Variants in SLC24A2 observed in about 807,000 individuals in gnomAD.
SLC24A2 encodes the protein solute carrier family 24 member 2.
Under a neutral mutation model 62.0 loss-of-function variants are expected in SLC24A2, and 36 were observed. The observed-to-expected ratio is 0.58, with a 90% confidence interval of 0.44 to 0.77. SLC24A2 has a LOEUF of 0.77. Among genes scored for constraint, SLC24A2 ranks in the 30% least tolerant of loss-of-function variants. SLC24A2 has a pLI of 0.00. For missense variants in SLC24A2, 846 were observed against 817.9 expected, an observed-to-expected ratio of 1.03 and a Z score of -0.42; for synonymous variants, 358 against 294.0, an observed-to-expected ratio of 1.22 and a Z score of -2.23.
At chr9:19,734,095 T>A (rs1821423428) in intron 2 of SLC24A2, among the ~76,000 whole-genome samples, 1 of 152,302 alleles carries the variant, frequency 6.6e-6, no homozygotes, top group East Asian at 1.9e-4. Flanking sequence ...GTAGTTAGAA[T>A]TAAAATATGT....
chr9:20,234,508 G>T, the SLC24A2 span, among the ~76,000 whole-genome samples: 1 of 152,208 alleles, frequency 6.6e-6, no homozygotes, highest in South Asian at 2.1e-4. Flanking sequence ...CTTTCTTCCA[G>T]TTGATCGCAT....
chr9:20,100,289 A>G, the SLC24A2 span, among the ~76,000 whole-genome samples: 152,323 of 152,336 alleles, frequency 1, 76,155 homozygotes, highest in Non-Finnish European at 1. Flanking sequence ...TTGGACTTCC[A>G]GGCTCAAGCC....
chr9:19,972,000 G>A, the SLC24A2 span, among the ~76,000 whole-genome samples: 35 of 152,166 alleles, frequency 2.3e-4, no homozygotes, highest in African/African-American at 8.5e-4. Flanking sequence ...AGTAGAGCTA[G>A]ATGGCCACAA....
At chr9:19,617,288 T>G (rs889626139) in intron 4 of SLC24A2, among the ~76,000 whole-genome samples, 1 of 152,188 alleles carries the variant, frequency 6.6e-6, no homozygotes, top group Admixed American at 6.5e-5. Flanking sequence ...CAGGCGGTAA[T>G]GCCTGCTGTC....
the SLC24A2 span, among the ~76,000 whole-genome samples, chr9:20,177,945 C>T: frequency 1.3e-5 from 2 of 152,054 alleles, no homozygotes; most frequent in African/African-American, 2.4e-5. Flanking sequence ...GATTTGAACC[C>T]CTATCTATCT....
In SLC24A2 at chr9:19,786,119, T is replaced by C. The variant is rs1371196624; in HGVS notation, c.748A>G (p.Ile250Val). Reference protein sequence around the residue: ...RDVSFYIVDLIMLIIFFLDNV... With the variant: ...RDVSFYIVDLVMLIIFFLDNV... ...TCCAGGAAAAATATGATCAGCATGA[T>C]CAAGTCAACAATGTAGAAAGACACA... The change falls in exon 2 of 11, where the codon ATC becomes GTC. Residue 250 changes from isoleucine (I) to valine (V), a missense_variant. Coordinates refer to ENST00000341998, the MANE Select transcript of SLC24A2 (RefSeq NM_020344.4). The surrounding 1 kb of genome is among the most constrained non-coding windows in gnomAD (Gnocchi z 5.0). 6.2e-7 allele frequency: 1 copy of C among 1,614,176 alleles called. No individual in the cohort carries two copies. The highest frequency in any genetic ancestry group is 2.2e-5 in the East Asian group (1 of 44,886).
chr9:20,000,457 T>C, the SLC24A2 span, among the ~76,000 whole-genome samples: 1 of 152,178 alleles, frequency 6.6e-6, no homozygotes, highest in African/African-American at 2.4e-5. Context: ...CAGTTCTTGA[T>C]AAACATTGTA....
At chr9:19,629,174 G>A (rs1457009984) in intron 2 of SLC24A2, among the ~76,000 whole-genome samples, 1 of 152,166 alleles carries the variant, frequency 6.6e-6, no homozygotes, top group Non-Finnish European at 1.5e-5. Flanking sequence ...GCCAGCAAGT[G>A]GCAGAGCTCA....
At chr9:20,104,481 T>C in the SLC24A2 span, among the ~76,000 whole-genome samples, 1 of 152,222 alleles carries the variant, frequency 6.6e-6, no homozygotes, top group African/African-American at 2.4e-5. Context: ...GGGAAGCCCA[T>C]CAGACTAACA....
chr9:19,516,466 A>G, intron 10 of SLC24A2, 64 bp from the exon 11 acceptor site: 1 of 1,575,158 alleles, frequency 6.3e-7, no homozygotes, highest in South Asian at 1.1e-5. Flanking sequence ...GACACGTTGA[A>G]GAAGGCAAAT....
At chr9:20,102,088 C>A in the SLC24A2 span, among the ~76,000 whole-genome samples, 3 of 152,274 alleles carry the variant, frequency 2.0e-5, 1 homozygote, top group Admixed American at 2.0e-4. Flanking sequence ...ATGATCAAAC[C>A]TTGGGTACTC....
At chr9:19,682,702 T>C (rs755873930) in intron 2 of SLC24A2, among the ~76,000 whole-genome samples, 2 of 152,100 alleles carry the variant, frequency 1.3e-5, no homozygotes, top group Non-Finnish European at 2.9e-5. Flanking sequence ...GAAATATCCA[T>C]AGGAAATATC....
At chr9:19,659,469 T>G (rs1819031726) in intron 2 of SLC24A2, among the ~76,000 whole-genome samples, 1 of 152,170 alleles carries the variant, frequency 6.6e-6, no homozygotes, top group Non-Finnish European at 1.5e-5. Context: ...CTTCAATTAT[T>G]TTTTTGAGTG....
the SLC24A2 span, among the ~76,000 whole-genome samples, chr9:19,802,754 T>C: frequency 6.6e-6 from 1 of 152,214 alleles, no homozygotes; most frequent in Admixed American, 6.5e-5. Context: ...TAGGCATCAA[T>C]ATTTAATAAA....
intron 2 of SLC24A2, among the ~76,000 whole-genome samples, chr9:19,665,194 T>C (rs1363317729): frequency 2.0e-5 from 3 of 152,164 alleles, no homozygotes; most frequent in East Asian, 3.9e-4. Context: ...TTGCAAGGCA[T>C]GGCCCTGGAT....
the SLC24A2 span, among the ~76,000 whole-genome samples, chr9:19,923,003 A>T: frequency 6.7e-6 from 1 of 149,590 alleles, no homozygotes; most frequent in African/African-American, 2.4e-5. Flanking sequence ...TTATATATTT[A>T]TATATATAAA....
At chr9:19,895,892 G>C in the SLC24A2 span, 1 of 1,613,356 alleles carries the variant, frequency 6.2e-7, no homozygotes, top group East Asian at 2.2e-5. Flanking sequence ...AGTGTGATGC[G>C]CCGGGCAGGG....
At chr9:19,748,542 G>A (rs1821897030) in intron 2 of SLC24A2, among the ~76,000 whole-genome samples, 1 of 152,110 alleles carries the variant, frequency 6.6e-6, no homozygotes, top group African/African-American at 2.4e-5. Flanking sequence ...ATGAATGCCT[G>A]CACAATCTTA....
the SLC24A2 span, among the ~76,000 whole-genome samples, chr9:19,990,027 G>C: frequency 3.9e-5 from 6 of 152,114 alleles, no homozygotes; most frequent in African/African-American, 1.4e-4. Flanking sequence ...TGGTGAGCTA[G>C]GGCTCAGTTC....
Sources: gnomAD v4.1 joint callset for allele counts (sites outside exome capture counted in the v4.1 genomes callset) on GRCh38, gnomAD v4.1.1 for gene constraint, Gnocchi (gnomAD v3.1) non-coding constraint, MANE v1.5 for transcripts, NCBI Gene and HGNC (gene_info 2026-07-23, HGNC 2026-07-21) for gene names.